The following RIMS2 variants were observed in gnomAD, a reference collection of about 807,000 sequenced individuals.
RIMS2 encodes regulating synaptic membrane exocytosis protein 2.
RIMS2 carries 59 observed loss-of-function variants against 174.4 expected under a neutral mutation model. The ratio of observed to expected loss-of-function variants is 0.34; its 90% CI spans 0.27 to 0.42. RIMS2 has a LOEUF of 0.42. Ranked by LOEUF, RIMS2 falls within the 10% of genes least tolerant of loss-of-function variation. The pLI is 1.00. For synonymous variants in RIMS2, 606 were observed against 572.5 expected (o/e 1.06, Z -0.84); for missense variants, 1,620 against 1,666.3 (o/e 0.97, Z 0.48).
At chr8:104,039,063 G>A (rs982639584) in intron 19 of RIMS2, among the ~76,000 whole-genome samples, 14 of 151,226 alleles carry the variant, frequency 9.3e-5, no homozygotes, top group African/African-American at 3.4e-4. Context: ...TTTTATTGTT[G>A]ATTCTAAGAT....
chr8:103,827,563 G>A (rs149853430), intron 3 of RIMS2, among the ~76,000 whole-genome samples: 3 of 152,298 alleles, frequency 2.0e-5, no homozygotes, highest in Non-Finnish European at 2.9e-5. Context: ...TGGGTTGGGC[G>A]CAGTGGCTCA....
At chr8:103,875,766 A>G (rs2099133288) in intron 3 of RIMS2, among the ~76,000 whole-genome samples, 1 of 151,960 alleles carries the variant, frequency 6.6e-6, no homozygotes, top group African/African-American at 2.4e-5. Flanking sequence ...ATTTGTGCCA[A>G]CATCTATTGT....
chr8:103,561,001 G>A (rs1314352460), intron 1 of RIMS2, among the ~76,000 whole-genome samples: 1 of 152,152 alleles, frequency 6.6e-6, no homozygotes, highest in Non-Finnish European at 1.5e-5. Flanking sequence ...ATTTTTTAGA[G>A]TTTGTTTGAT....
chr8:103,729,461 C>G (rs2097566160), intron 2 of RIMS2, among the ~76,000 whole-genome samples: 1 of 151,916 alleles, frequency 6.6e-6, no homozygotes, highest in Non-Finnish European at 1.5e-5. Context: ...TGGGGTTTCC[C>G]TCTTTTTTTC....
At chr8:103,726,429 CT>C in intron 2 of RIMS2, among the ~76,000 whole-genome samples, 1 of 152,036 alleles carries the variant, frequency 6.6e-6, no homozygotes, top group Non-Finnish European at 1.5e-5. Flanking sequence ...ATGGTTAGTG[CT>C]TTTTGTAACC....
At chr8:103,599,913 T>A (rs965066908) in intron 1 of RIMS2, among the ~76,000 whole-genome samples, 3 of 152,202 alleles carry the variant, frequency 2.0e-5, no homozygotes, top group Admixed American at 6.5e-5. Context: ...TATACTCTTG[T>A]AGTTATTTAA....
chr8:103,876,391 A>G (rs1304248246), intron 3 of RIMS2, among the ~76,000 whole-genome samples: 6 of 151,576 alleles, frequency 4.0e-5, no homozygotes, highest in Admixed American at 2.0e-4. Context: ...TTTTTTTTAA[A>G]TCCAAACTTA....
chr8:104,159,893 A>G (rs1214308629), intron 19 of RIMS2, among the ~76,000 whole-genome samples: 1 of 152,060 alleles, frequency 6.6e-6, no homozygotes, highest in Non-Finnish European at 1.5e-5. Flanking sequence ...AATCCCAGCA[A>G]TTTGGGAGGC....
chr8:103,895,547 A>G (rs1366761939), intron 4 of RIMS2, among the ~76,000 whole-genome samples: 4 of 151,540 alleles, frequency 2.6e-5, no homozygotes, highest in Admixed American at 2.6e-4. Flanking sequence ...CTCAAAAACT[A>G]TTGTATTGGG....
chr8:103,800,509 T>G (rs542693088), intron 3 of RIMS2, among the ~76,000 whole-genome samples: 1 of 152,314 alleles, frequency 6.6e-6, no homozygotes, highest in East Asian at 1.9e-4. Flanking sequence ...TTGTCTTCTA[T>G]TACTAATTTG....
At chr8:103,889,411 G>A (rs1021585785) in intron 4 of RIMS2, among the ~76,000 whole-genome samples, 3 of 150,764 alleles carry the variant, frequency 2.0e-5, no homozygotes, top group Non-Finnish European at 4.4e-5. Flanking sequence ...TTTCAATTTT[G>A]TGCATAATCT....
intron 19 of RIMS2, among the ~76,000 whole-genome samples, chr8:104,151,550 G>A (rs564233482): frequency 3.3e-5 from 5 of 151,416 alleles, no homozygotes; most frequent in South Asian, 4.2e-4. Context: ...CCTGGGTGAC[G>A]GAGCGAGACT....
rs750380499 is a variant in RIMS2, at chr8:103,697,096, C to G, written c.187C>G (p.Gln63Glu). The change falls in exon 2 of 24, where the codon CAG becomes GAG. Residue 63 changes from glutamine (Q) to glutamate (E), a missense_variant. By Grantham distance (29) the Gln-to-Glu change is conservative. Transcript: ENST00000504942. ...CTATTTTCTCTGCAGAAAACTGCATCAGCAGTTTGAAATGTATAAAGAGCA... is the reference window on the plus strand; with the variant it reads ...CTATTTTCTCTGCAGAAAACTGCATGAGCAGTTTGAAATGTATAAAGAGCA... 1.2e-5 allele frequency: 19 copies of G among 1,608,524 alleles called. No homozygotes were observed. In the Admixed American group the frequency reaches 2.7e-4, roughly 23 times the overall value.
intron 1 of RIMS2, among the ~76,000 whole-genome samples, chr8:103,542,367 G>T (rs139183313): frequency 6.6e-6 from 1 of 152,186 alleles, no homozygotes; most frequent in Admixed American, 6.5e-5. Context: ...TCAAAGCAAA[G>T]CCCAGAACCT....
chr8:103,819,020 G>C (rs904045548), intron 3 of RIMS2, among the ~76,000 whole-genome samples: 6 of 152,056 alleles, frequency 3.9e-5, no homozygotes, highest in Non-Finnish European at 8.8e-5. Context: ...AAGAGAAAAG[G>C]GTTGGGGAAA....
At chr8:104,101,085 A>G (rs2097886641) in intron 19 of RIMS2, among the ~76,000 whole-genome samples, 1 of 143,676 alleles carries the variant, frequency 7.0e-6, no homozygotes, top group Non-Finnish European at 1.5e-5. Context: ...TATATTATAT[A>G]TGTAATATAT....
intron 2 of RIMS2, among the ~76,000 whole-genome samples, chr8:103,710,599 T>A (rs1327140925): frequency 6.6e-6 from 1 of 152,178 alleles, no homozygotes; most frequent in African/African-American, 2.4e-5. Context: ...TAAGGATTAT[T>A]TTAAGCGTCA....
intron 3 of RIMS2, among the ~76,000 whole-genome samples, chr8:103,786,929 G>A (rs1186465492): frequency 1.1e-4 from 17 of 151,562 alleles, no homozygotes; most frequent in Non-Finnish European, 4.4e-5. Context: ...GGTCACTCAC[G>A]ACTTGCTCTA....
chr8:103,910,485 T>A, intron 5 of RIMS2: 1 of 1,597,752 alleles, frequency 6.3e-7, no homozygotes, highest in East Asian at 2.2e-5. Context: ...GGTAGATACG[T>A]GTAGTAGCAC....
Sources: gnomAD v4.1 joint callset for allele counts (sites outside exome capture counted in the v4.1 genomes callset) on GRCh38, gnomAD v4.1.1 for gene constraint, MANE v1.5 for transcripts, NCBI Gene and HGNC (gene_info 2026-07-23, HGNC 2026-07-21) for gene names.